Variants in ARHGEF12 observed in about 807,000 individuals in gnomAD.
ARHGEF12 encodes Rho guanine nucleotide exchange factor 12, also known as KMT2A/ARHGEF12 fusion protein.
In ARHGEF12, 66 loss-of-function variants were observed where a neutral mutation model predicts 211.2. That is an observed-to-expected ratio of 0.31 (90% CI 0.26 to 0.38). The LOEUF is 0.38. Among genes scored for constraint, ARHGEF12 ranks in the 10% least tolerant of loss-of-function variants. The pLI is 1.00. For missense variants in ARHGEF12, 1,429 were observed against 1,869.5 expected (o/e 0.76, Z 4.34); for synonymous variants, 592 against 638.4 (o/e 0.93, Z 1.09).
At chr11:120,396,675 T>C (rs1323397883) in intron 1 of ARHGEF12, among the ~76,000 whole-genome samples, 1 of 152,194 alleles carries the variant, frequency 6.6e-6, no homozygotes, top group East Asian at 1.9e-4. Context: ...TTACAAAATA[T>C]ATTGTAGACC....
At chr11:120,373,605 A>G (rs985242957) in intron 1 of ARHGEF12, among the ~76,000 whole-genome samples, 4 of 152,176 alleles carry the variant, frequency 2.6e-5, no homozygotes, top group East Asian at 3.8e-4. Context: ...ACGATATTCT[A>G]TTATATAATT....
intron 8 of ARHGEF12, 95 bp from the exon 9 acceptor site, chr11:120,429,345 G>A (rs145060221): frequency 6.1e-6 from 6 of 984,478 alleles, no homozygotes; most frequent in East Asian, 2.5e-5. Flanking sequence ...AATTGGAGCC[G>A]AGGCAGAACT....
intron 26 of ARHGEF12, among the ~76,000 whole-genome samples, chr11:120,459,575 C>T (rs1406365550): frequency 6.6e-6 from 1 of 151,820 alleles, no homozygotes; most frequent in African/African-American, 2.4e-5. Context: ...TCAAATTCAC[C>T]GTTGAAAATT....
chr11:120,385,439 C>T, intron 1 of ARHGEF12: 3 of 985,282 alleles, frequency 3.0e-6, no homozygotes, highest in Non-Finnish European at 2.4e-6. Flanking sequence ...TCCATGGAAA[C>T]GAGCCTTTTG....
At chr11:120,469,448 C>A in intron 30 of ARHGEF12, 60 bp downstream of exon 30, 1 of 1,327,012 alleles carries the variant, frequency 7.5e-7, no homozygotes, top group Non-Finnish European at 1.1e-6. Context: ...ATTAATATTA[C>A]CTGGAATCTG....
At position 120,489,083 on chromosome 11, in the gene ARHGEF12, A is replaced by T. The variant is rs887256914; in HGVS notation, c.*4006A>T. 12 of 222,132 alleles carry T rather than the reference A, an allele frequency of 5.4e-5. 1 individual carries two copies. Among genetic ancestry groups the T allele is most frequent in the Non-Finnish European group, 1.1e-4 (12 of 111,024 alleles). 13.8% of individuals were successfully genotyped at this position (222,132 alleles called of 1,614,324 possible). On this transcript the variant is annotated 3_prime_UTR_variant, in exon 41 of 41. Coordinates refer to ENST00000397843, the MANE Select transcript of ARHGEF12 (RefSeq NM_015313.3). ...CTGGTTGATTTGTCTTGTCCAAGTTATATTAGAAAAGTTGAGGAGTCGAGG... is the reference window on the plus strand; with the variant it reads ...CTGGTTGATTTGTCTTGTCCAAGTTTTATTAGAAAAGTTGAGGAGTCGAGG...
chr11:120,472,905 T>A, intron 30 of ARHGEF12, 145 bp from the exon 31 acceptor site: 2 of 635,256 alleles, frequency 3.1e-6, no homozygotes, highest in South Asian at 3.4e-5. Context: ...TCCACCTGCC[T>A]CAGCCTCCCA....
chr11:120,427,917 T>A, intron 7 of ARHGEF12, 152 bp from the exon 8 acceptor site: 1 of 583,382 alleles, frequency 1.7e-6, no homozygotes, highest in Non-Finnish European at 2.7e-6. Flanking sequence ...TAGTTTTTTT[T>A]TCTGTGGAGA....
chr11:120,412,244 T>C (rs1391330813), intron 4 of ARHGEF12, among the ~76,000 whole-genome samples: 1 of 152,234 alleles, frequency 6.6e-6, no homozygotes, highest in Non-Finnish European at 1.5e-5. Flanking sequence ...CCATAGCTGC[T>C]GCTTAACCGC....
At chr11:120,355,715 T>C (rs762436705) in intron 1 of ARHGEF12, among the ~76,000 whole-genome samples, 20 of 152,104 alleles carry the variant, frequency 1.3e-4, no homozygotes, top group Non-Finnish European at 2.4e-4. Flanking sequence ...TCTTTAAAAA[T>C]AAAAAATAAA....
At position 120,484,453 on chromosome 11, in the gene ARHGEF12, T is replaced by A; in HGVS notation, c.4570T>A (p.Tyr1524Asn). 6.2e-7 allele frequency: 1 copy of A among 1,614,078 alleles called. No homozygotes were observed. The highest frequency in any genetic ancestry group is 8.5e-7 in the Non-Finnish European group (1 of 1,180,006). Residue 1524 changes from tyrosine to asparagine, a missense_variant, in exon 40 of 41, where the codon TAC becomes AAC. This residue lies in a region of ARHGEF12 where 467 missense variants were observed against 468.4 expected (regional missense o/e 1.00). Coordinates refer to ENST00000397843, the MANE Select transcript of ARHGEF12 (RefSeq NM_015313.3). ...TATTTCACAGAAGGTGGAGGAAAGTTACACCATTCTTTGCCAAAGGCTGGC... is the reference window on the plus strand; with the variant it reads ...TATTTCACAGAAGGTGGAGGAAAGTAACACCATTCTTTGCCAAAGGCTGGC... The part of the protein sequence containing the change: ...LEHLKKVEES[Y>N]TILCQRLAGS...
At position 120,378,219 on chromosome 11, in the gene ARHGEF12, G is replaced by A. The variant is rs574075405; in HGVS notation, c.33-27899G>A. Among the ~76,000 whole-genome samples the A allele has an allele frequency of 1.2e-4, 19 of 152,324 alleles. No homozygotes were observed. In the South Asian group the frequency reaches 3.9e-3, roughly 32 times the overall value. On this transcript the variant is annotated intron_variant, in intron 1 of 40. Transcript: ENST00000397843. ...TTTAATTTTAGTCATTGTAGTGGGT[G>A]TGAATGGCATCTCACTCTACTTTTT...
intron 37 of ARHGEF12, among the ~76,000 whole-genome samples, chr11:120,479,047 T>C (rs922354379): frequency 6.6e-6 from 1 of 152,186 alleles, no homozygotes; most frequent in African/African-American, 2.4e-5. Flanking sequence ...TTGGTAGAAT[T>C]ATAGGCTCAG....
At chr11:120,395,006 G>A (rs1210918170) in intron 1 of ARHGEF12, among the ~76,000 whole-genome samples, 1 of 140,314 alleles carries the variant, frequency 7.1e-6, no homozygotes, top group African/African-American at 2.7e-5. Context: ...GCAATGAGCT[G>A]AGATGGTGCC....
intron 18 of ARHGEF12, among the ~76,000 whole-genome samples, 200 bp from the exon 19 acceptor site, chr11:120,447,674 C>T (rs1274511137): frequency 1.3e-5 from 2 of 152,192 alleles, no homozygotes; most frequent in East Asian, 1.9e-4. Context: ...CAAAATTAGC[C>T]AGGCATGGTG....
At chr11:120,444,178 A>G (rs1238485969) in intron 15 of ARHGEF12, among the ~76,000 whole-genome samples, 3 of 151,970 alleles carry the variant, frequency 2.0e-5, no homozygotes, top group Admixed American at 2.0e-4. Flanking sequence ...TTCTGATCCT[A>G]CTCCCATTGT....
In ARHGEF12 at chr11:120,409,339, T is replaced by A. The variant is rs1944813360; in HGVS notation, c.143-55T>A. ...CTTTTTTCCCCATGAATTTTTCCCC[T>A]TACATTGTCTCCATATTTTCTATAT... On this transcript the variant is annotated intron_variant, in intron 3 of 40. Transcript: ENST00000397843. 3 of 1,577,980 alleles carry A rather than the reference T, an allele frequency of 1.9e-6. No homozygotes were observed. The South Asian group carries it at 3.4e-5, about 18-fold the overall frequency.
chr11:120,372,784 C>T (rs956110930), intron 1 of ARHGEF12, among the ~76,000 whole-genome samples: 4 of 152,080 alleles, frequency 2.6e-5, no homozygotes, highest in African/African-American at 9.7e-5. Flanking sequence ...TATAGCTTCT[C>T]TACCTTAGCT....
intron 18 of ARHGEF12, 150 bp from the exon 19 acceptor site, chr11:120,447,724 G>A (rs983929317): frequency 2.9e-5 from 16 of 543,694 alleles, no homozygotes; most frequent in South Asian, 2.0e-4. Flanking sequence ...GCTGAGGCAC[G>A]AGAATCACTT....
Sources: gnomAD v4.1 joint callset for allele counts (sites outside exome capture counted in the v4.1 genomes callset) on GRCh38, gnomAD v4.1.1 for gene constraint, gnomAD v4.1.1 regional missense constraint, MANE v1.5 for transcripts, NCBI Gene and HGNC (gene_info 2026-07-23, HGNC 2026-07-21) for gene names.